Variants in RABGAP1L observed in about 807,000 individuals in gnomAD.
The protein encoded by RABGAP1L is rab GTPase-activating protein 1-like.
In RABGAP1L, 63 loss-of-function variants were observed where a neutral mutation model predicts 137.7. The observed-to-expected ratio is 0.46, with a 90% confidence interval of 0.37 to 0.56. The LOEUF (loss-of-function observed/expected upper bound fraction) is 0.56, where lower values mean the gene tolerates loss of function less well. RABGAP1L is among the 20% of genes least tolerant of loss of function. The probability of loss-of-function intolerance (pLI) is 0.00; values close to 1 mark genes in which losing one functional copy is unlikely to be tolerated. For missense variants in RABGAP1L, 1,095 were observed against 1,244.0 expected (o/e 0.88, Z 1.80); for synonymous variants, 431 against 433.7 (o/e 0.99, Z 0.08).
intron 13 of RABGAP1L, among the ~76,000 whole-genome samples, chr1:174,607,526 A>G (rs138516911): frequency 1.3e-5 from 2 of 152,146 alleles, no homozygotes; most frequent in East Asian, 3.9e-4. Flanking sequence ...CCAGGATCAC[A>G]ATGCTGCATC....
At chr1:174,268,706 G>T (rs1446808863) in intron 7 of RABGAP1L, among the ~76,000 whole-genome samples, 2 of 151,934 alleles carry the variant, frequency 1.3e-5, no homozygotes, top group African/African-American at 2.4e-5. Context: ...ACTTTTTCCT[G>T]CAGTTAAGTC....
intron 7 of RABGAP1L, 128 bp from the exon 8 acceptor site, chr1:174,272,286 G>GA (rs889509555): frequency 8.5e-5 from 76 of 892,064 alleles, no homozygotes; most frequent in East Asian, 3.0e-4. Context: ...GGTGTTTTTA[G>GA]AAAAAAAACT....
At position 174,982,890 on chromosome 1, in the gene RABGAP1L, G is replaced by A; in HGVS notation, c.2790G>A (p.Glu930=). ...AACAGCAAGCAGCCAGCAAGGAGGA[G>A]CTGGAAGTGGTAAAGGTAAGGAGTG... ...LEKQQAASKE[E]LEVVKGKMMA... is the part of the protein sequence containing the mutation. The change falls in exon 24 of 26, where the codon GAG becomes GAA. Residue 930 remains glutamate, a synonymous_variant. Transcript: ENST00000681986. The A allele has an allele frequency of 1.3e-6, 2 of 1,550,452 alleles. No homozygotes were observed. Among genetic ancestry groups the A allele is most frequent in the Non-Finnish European group, 1.7e-6 (2 of 1,146,912 alleles).
intron 19 of RABGAP1L, among the ~76,000 whole-genome samples, chr1:174,919,376 G>A (rs553703122): frequency 6.6e-6 from 1 of 152,278 alleles, no homozygotes; most frequent in South Asian, 2.1e-4. Flanking sequence ...CAAAGACAGG[G>A]CTCAGCTGGG....
chr1:174,891,128 A>T (rs1656071617), intron 19 of RABGAP1L, among the ~76,000 whole-genome samples: 1 of 152,262 alleles, frequency 6.6e-6, no homozygotes, highest in East Asian at 1.9e-4. Flanking sequence ...TAAAGGTGGA[A>T]ACTTTTGAAC....
At chr1:174,971,565 C>T (rs1229722586) in intron 21 of RABGAP1L, among the ~76,000 whole-genome samples, 1 of 152,190 alleles carries the variant, frequency 6.6e-6, no homozygotes, top group Admixed American at 6.5e-5. Context: ...CCTTTGGGAG[C>T]TTTTTATCTA....
chr1:174,629,587 A>G (rs925367884), intron 13 of RABGAP1L, among the ~76,000 whole-genome samples: 1 of 152,066 alleles, frequency 6.6e-6, no homozygotes, highest in Non-Finnish European at 1.5e-5. Flanking sequence ...CAGTGGCACG[A>G]TCTCGGCTCA....
At chr1:174,790,647 C>T (rs998186011) in intron 18 of RABGAP1L, among the ~76,000 whole-genome samples, 2 of 151,906 alleles carry the variant, frequency 1.3e-5, no homozygotes, top group Admixed American at 6.6e-5. Context: ...AAGAGAAAGC[C>T]TCTGTGAGCA....
At chr1:174,643,939 GTGTA>G (rs745338599) in intron 14 of RABGAP1L, among the ~76,000 whole-genome samples, 32,384 of 149,630 alleles carry the variant, frequency 0.22, 3,675 homozygotes, top group Admixed American at 0.24. Flanking sequence ...GTGTGTGTGT[GTGTA>G]TGTATGTATG....
chr1:174,276,216 T>A (rs1182613906), intron 9 of RABGAP1L, among the ~76,000 whole-genome samples: 1 of 152,172 alleles, frequency 6.6e-6, no homozygotes, highest in Non-Finnish European at 1.5e-5. Flanking sequence ...TATAGCTCAC[T>A]GTAACCTCAA....
intron 7 of RABGAP1L, among the ~76,000 whole-genome samples, chr1:174,272,062 A>T (rs1000019003): frequency 6.6e-6 from 1 of 152,042 alleles, no homozygotes; most frequent in African/African-American, 2.4e-5. Context: ...ATTTTGACCT[A>T]TATGTTTGGA....
At chr1:174,469,344 A>G (rs752798028) in intron 13 of RABGAP1L, among the ~76,000 whole-genome samples, 11 of 152,200 alleles carry the variant, frequency 7.2e-5, no homozygotes, top group Non-Finnish European at 1.2e-4. Flanking sequence ...CTAGTAAATC[A>G]GGTATTTTCT....
At chr1:174,762,807 C>CTTTTT (rs71563260) in intron 18 of RABGAP1L, among the ~76,000 whole-genome samples, 197 of 81,646 alleles carry the variant, frequency 2.4e-3, no homozygotes, top group Non-Finnish European at 2.8e-3. Flanking sequence ...GTCTCCTTTG[C>CTTTTT]TTTTTTTTTT....
chr1:174,171,696 TA>T lies in RABGAP1L; in HGVS notation c.-34+12057del, dbSNP rs57052121. On this transcript the variant is annotated intron_variant, in intron 1 of 25. Transcript: ENST00000681986. ...ACTCTTGTTTCTGCGTATTCAGCTT[TA>T]AAAAAAAAAAAAAAAAAGGATTTCG... Among the ~76,000 whole-genome samples, 590 of 134,222 alleles carry T rather than the reference TA, an allele frequency of 4.4e-3. 1 individual carries two copies. The highest frequency in any genetic ancestry group is 8.0e-3 in the Middle Eastern group (2 of 250). The allele number at this position is 134,222 out of a possible 152,430, so 88.1% of individuals were successfully genotyped here.
chr1:174,194,657 T>A (rs1667443485), intron 1 of RABGAP1L, among the ~76,000 whole-genome samples: 1 of 152,214 alleles, frequency 6.6e-6, no homozygotes, highest in Non-Finnish European at 1.5e-5. Flanking sequence ...TGTTATCAGT[T>A]ACCTGACATC....
At chr1:174,397,615 T>G (rs553172569) in intron 13 of RABGAP1L, among the ~76,000 whole-genome samples, 26 of 152,354 alleles carry the variant, frequency 1.7e-4, no homozygotes, top group African/African-American at 5.3e-4. Flanking sequence ...TGAAATAGTT[T>G]ACCTGATTAA....
rs1469672182 is a variant in RABGAP1L, at chr1:174,281,081, C to T, written c.1323+2302C>T. Among the ~76,000 whole-genome samples, 4 of 151,942 alleles carry T rather than the reference C, an allele frequency of 2.6e-5. 1 individual carries two copies. Among genetic ancestry groups the T allele is most frequent in the Admixed American group, 1.3e-4 (2 of 15,250 alleles). On this transcript the variant is annotated intron_variant, in intron 10 of 25. Transcript: ENST00000681986. Reference sequence around the variant, plus strand: ...CTTCAGGAGTGAAGCTGCAGACCTTCGCGGTGAGTGTTACAGCTCATAAAG... The same window carrying T: ...CTTCAGGAGTGAAGCTGCAGACCTTTGCGGTGAGTGTTACAGCTCATAAAG...
At chr1:174,353,620 C>T (rs1333006256) in intron 11 of RABGAP1L, among the ~76,000 whole-genome samples, 2 of 152,196 alleles carry the variant, frequency 1.3e-5, no homozygotes, top group East Asian at 3.9e-4. Flanking sequence ...TTTCCTCTTG[C>T]TAGGGCTGGT....
At chr1:174,703,399 G>T (rs1414029416) in intron 17 of RABGAP1L, among the ~76,000 whole-genome samples, 1 of 152,118 alleles carries the variant, frequency 6.6e-6, no homozygotes, top group Non-Finnish European at 1.5e-5. Flanking sequence ...CATCCATGTT[G>T]CTGCTAATGA....
Sources: gnomAD v4.1 joint callset for allele counts (sites outside exome capture counted in the v4.1 genomes callset) on GRCh38, gnomAD v4.1.1 for gene constraint, MANE v1.5 for transcripts, NCBI Gene and HGNC (gene_info 2026-07-23, HGNC 2026-07-21) for gene names.